ACAP2: variants seen among roughly 807,000 people sequenced by gnomAD.
ACAP2 encodes the protein arf-GAP with coiled-coil, ANK repeat and PH domain-containing protein 2.
ACAP2 carries 39 observed loss-of-function variants against 115.8 expected under a neutral mutation model. The ratio of observed to expected loss-of-function variants is 0.34; its 90% CI spans 0.26 to 0.44. The LOEUF is 0.44. ACAP2 is among the 20% of genes least tolerant of loss of function. The pLI, the probability that ACAP2 is intolerant of heterozygous loss-of-function variation, is 1.00. For synonymous variants in ACAP2, 289 were observed against 315.8 expected, an observed-to-expected ratio of 0.92 and a Z score of 0.90; for missense variants, 662 against 927.6, an observed-to-expected ratio of 0.71 and a Z score of 3.72.
Position 195,295,539 on chromosome 3 carries a change from TTAAAG to T in ACAP2, c.1672+164_1672+168del, listed in dbSNP as rs1294799087. 5.3e-6 allele frequency: 4 copies of T among 748,542 alleles called. No homozygotes were observed. The African/African-American group carries it at 7.1e-5, about 13-fold the overall frequency. The allele number at this position is 748,542 out of a possible 1,614,324, so 46.4% of individuals were successfully genotyped here. ...GAAAGGTGAAATATTATGGCATTGTTTAAAGTTAACTATTTTAAAGACACAGAAAT... is the reference window on the plus strand; with the variant it reads ...GAAAGGTGAAATATTATGGCATTGTTTTAACTATTTTAAAGACACAGAAAT... On this transcript the variant is annotated intron_variant, in intron 17 of 22. Transcript: ENST00000326793.
intron 6 of ACAP2, among the ~76,000 whole-genome samples, chr3:195,339,190 C>T (rs1730711304): frequency 6.6e-6 from 1 of 152,104 alleles, no homozygotes; most frequent in African/African-American, 2.4e-5. Context: ...GGGATCGCAC[C>T]ACTGCACTCC....
At chr3:195,395,698 G>A (rs1336189925) in intron 1 of ACAP2, among the ~76,000 whole-genome samples, 1 of 152,098 alleles carries the variant, frequency 6.6e-6, no homozygotes, top group Non-Finnish European at 1.5e-5. Flanking sequence ...TTACTATCTG[G>A]CCCTTTACAG....
intron 18 of ACAP2, among the ~76,000 whole-genome samples, chr3:195,292,735 A>G (rs886198303): frequency 2.6e-5 from 4 of 152,024 alleles, no homozygotes; most frequent in Non-Finnish European, 5.9e-5. Flanking sequence ...TAGCCTGGCC[A>G]ACATGGTGAA....
At chr3:195,367,979 ACAGT>A (rs1382689725) in intron 4 of ACAP2, among the ~76,000 whole-genome samples, 2 of 152,194 alleles carry the variant, frequency 1.3e-5, no homozygotes, top group African/African-American at 4.8e-5. Context: ...CAGTTGTTAA[ACAGT>A]CAAAGTTACT....
intron 15 of ACAP2, among the ~76,000 whole-genome samples, chr3:195,301,169 T>C (rs1728026947): frequency 6.6e-6 from 1 of 151,940 alleles, no homozygotes; most frequent in South Asian, 2.1e-4. Context: ...CACTGCAAGC[T>C]CTGCCTCCCG....
intron 15 of ACAP2, among the ~76,000 whole-genome samples, chr3:195,299,640 C>G (rs1022822146): frequency 1.3e-5 from 2 of 151,770 alleles, no homozygotes; most frequent in African/African-American, 4.8e-5. Flanking sequence ...AGATCGAGAC[C>G]AACCTGGCTA....
chr3:195,388,322 A>G (rs981770467), intron 2 of ACAP2, among the ~76,000 whole-genome samples: 1 of 152,250 alleles, frequency 6.6e-6, no homozygotes, highest in Admixed American at 6.5e-5. Context: ...TGCCAGTCAG[A>G]CAATGCAACA....
chr3:195,386,237 A>G (rs1734291086), intron 2 of ACAP2, among the ~76,000 whole-genome samples: 1 of 152,182 alleles, frequency 6.6e-6, no homozygotes, highest in Non-Finnish European at 1.5e-5. Flanking sequence ...GAGGGAGAGG[A>G]GAATTGGGAG....
At chr3:195,365,153 G>A (rs1274444003) in intron 4 of ACAP2, among the ~76,000 whole-genome samples, 2 of 152,202 alleles carry the variant, frequency 1.3e-5, no homozygotes, top group Non-Finnish European at 2.9e-5. Context: ...GGGGGACGTG[G>A]AGGTGGTTAA....
Position 195,341,727 on chromosome 3 carries a change from A to G in ACAP2, c.528+744T>C, listed in dbSNP as rs1451763633. 3.3e-5 allele frequency among the ~76,000 whole-genome samples: 5 copies of G among 152,324 alleles called. No homozygotes were observed. The East Asian group carries it at 9.6e-4, about 29-fold the overall frequency. ...TATGGTGAACCTTAGTACCTCTAAG[A>G]ATCTAATCTAAAGAAATAAGAAGTG... On this transcript the variant is annotated intron_variant, in intron 6 of 22. Coordinates refer to ENST00000326793, the MANE Select transcript of ACAP2 (RefSeq NM_012287.6).
At chr3:195,306,152 T>C (rs1728405953) in intron 13 of ACAP2, among the ~76,000 whole-genome samples, 1 of 152,186 alleles carries the variant, frequency 6.6e-6, no homozygotes, top group African/African-American at 2.4e-5. Flanking sequence ...GACAATATTA[T>C]GCTTCCCTTT....
At chr3:195,310,046 G>GT (rs1176028047) in intron 10 of ACAP2, among the ~76,000 whole-genome samples, 1 of 152,106 alleles carries the variant, frequency 6.6e-6, no homozygotes, top group African/African-American at 2.4e-5. Flanking sequence ...GATTTCTATT[G>GT]TAACATTAGT....
chr3:195,426,410 G>A (rs544089273), intron 1 of ACAP2, among the ~76,000 whole-genome samples: 1 of 152,168 alleles, frequency 6.6e-6, no homozygotes, highest in African/African-American at 2.4e-5. Flanking sequence ...TCTGTCCCAA[G>A]GAAACAATCA....
intron 1 of ACAP2, among the ~76,000 whole-genome samples, chr3:195,408,885 T>C (rs1713010722): frequency 6.6e-6 from 1 of 152,084 alleles, no homozygotes; most frequent in Admixed American, 6.5e-5. Context: ...AAAATCATAC[T>C]GACAAAATTC....
chr3:195,370,495 G>C (rs1421814695), intron 4 of ACAP2, among the ~76,000 whole-genome samples: 5 of 152,134 alleles, frequency 3.3e-5, no homozygotes, highest in Non-Finnish European at 5.9e-5. Context: ...TTACTGAATA[G>C]GGAAGTCCTT....
At chr3:195,421,741 A>T (rs1258170190) in intron 1 of ACAP2, among the ~76,000 whole-genome samples, 2 of 152,358 alleles carry the variant, frequency 1.3e-5, no homozygotes, top group Non-Finnish European at 2.9e-5. Flanking sequence ...GTTTTCTTCC[A>T]TACCTAAAAG....
At chr3:195,349,347 G>A (rs548508836) in intron 4 of ACAP2, among the ~76,000 whole-genome samples, 3 of 152,196 alleles carry the variant, frequency 2.0e-5, no homozygotes, top group African/African-American at 4.8e-5. Flanking sequence ...CGGGCGTGGT[G>A]GCACATCCCT....
chr3:195,300,742 G>A (rs751911835), intron 15 of ACAP2, among the ~76,000 whole-genome samples: 1 of 152,154 alleles, frequency 6.6e-6, no homozygotes, highest in Non-Finnish European at 1.5e-5. Context: ...CTGGGCCAAG[G>A]GTAGTGGCTC....
rs576837208 is a variant in ACAP2, at chr3:195,398,018, C to A, written c.54-5871G>T. ...CACTTCTAGGCGTGCAAAAGGCTTA[C>A]TGGAAGAGAGACAAAAACACAATAC... is the stretch of plus-strand genomic sequence containing the variant. On this transcript the variant is annotated intron_variant, in intron 1 of 22. Transcript: ENST00000326793. 7.9e-5 allele frequency among the ~76,000 whole-genome samples: 12 copies of A among 152,314 alleles called. 1 individual carries two copies. The South Asian group carries it at 2.5e-3, about 32-fold the overall frequency.
Sources: allele counts gnomAD v4.1 joint callset (sites outside exome capture counted in the v4.1 genomes callset), GRCh38; gene constraint gnomAD v4.1.1; transcripts MANE v1.5; gene names NCBI Gene and HGNC (gene_info 2026-07-23, HGNC 2026-07-21).